The following IMMP2L variants were observed in gnomAD, a reference collection of about 807,000 sequenced individuals.
IMMP2L encodes mitochondrial inner membrane protease subunit 2.
Under a neutral mutation model 19.3 loss-of-function variants are expected in IMMP2L, and 18 were observed. The observed-to-expected ratio is 0.93, with a 90% confidence interval of 0.64 to 1.38. IMMP2L has a LOEUF of 1.38. Ranked by LOEUF, IMMP2L falls within the 40% of genes most tolerant of loss-of-function variation. The pLI is 0.00. For missense variants in IMMP2L, 233 were observed against 218.2 expected, an observed-to-expected ratio of 1.07 and a Z score of -0.43; for synonymous variants, 76 against 73.0, an observed-to-expected ratio of 1.04 and a Z score of -0.21.
At chr7:111,478,216 T>C (rs889387123) in intron 3 of IMMP2L, among the ~76,000 whole-genome samples, 3 of 152,290 alleles carry the variant, frequency 2.0e-5, no homozygotes, top group African/African-American at 4.8e-5. Context: ...AATTGACCCA[T>C]CATCCAGTTC....
At chr7:111,482,803 T>C (rs151000967) in intron 3 of IMMP2L, among the ~76,000 whole-genome samples, 1 of 152,242 alleles carries the variant, frequency 6.6e-6, no homozygotes, top group East Asian at 1.9e-4. Flanking sequence ...CCATTAACGT[T>C]AGTGCTTCTC....
chr7:111,240,931 C>T (rs1397244769), intron 3 of IMMP2L, among the ~76,000 whole-genome samples: 16 of 151,814 alleles, frequency 1.1e-4, no homozygotes. Context: ...GTGCTATAAA[C>T]ACCAAATGCT....
At chr7:110,664,074 G>A (rs563005111) in intron 5 of IMMP2L, among the ~76,000 whole-genome samples, 1 of 152,158 alleles carries the variant, frequency 6.6e-6, no homozygotes, top group East Asian at 1.9e-4. Flanking sequence ...TCTGTGTTTA[G>A]AACCAAGCAG....
chr7:111,262,187 C>T (rs1165827975), intron 3 of IMMP2L, among the ~76,000 whole-genome samples: 1 of 151,976 alleles, frequency 6.6e-6, no homozygotes, highest in Non-Finnish European at 1.5e-5. Context: ...ATTCTAATGG[C>T]ACAAACAATC....
At chr7:110,679,840 C>A (rs147595311) in intron 5 of IMMP2L, among the ~76,000 whole-genome samples, 35 of 152,234 alleles carry the variant, frequency 2.3e-4, no homozygotes, top group African/African-American at 8.4e-4. Flanking sequence ...CTACAAAGAC[C>A]AAGATAGTTG....
intron 3 of IMMP2L, among the ~76,000 whole-genome samples, chr7:111,251,553 C>A (rs375615926): frequency 6.6e-6 from 1 of 152,134 alleles, no homozygotes; most frequent in Non-Finnish European, 1.5e-5. Context: ...ACATGGAATA[C>A]TATGCAGCCA....
rs1242340740 is a variant in IMMP2L at position 111,333,045 on chromosome 7, G to C, written c.239+154193C>G. Among the ~76,000 whole-genome samples, 3 of 151,970 alleles carry C rather than the reference G, an allele frequency of 2.0e-5. No individual in the cohort carries two copies. The East Asian group carries it at 5.8e-4, about 29-fold the overall frequency. Reference sequence around the variant, plus strand: ...AAACTACAACAGCCCAATCCAGTCAGGGCTACAAATAGCCCAGACCCTCCA... The same window carrying C: ...AAACTACAACAGCCCAATCCAGTCACGGCTACAAATAGCCCAGACCCTCCA... On this transcript the variant is annotated intron_variant, in intron 3 of 5. Transcript: ENST00000405709.
intron 3 of IMMP2L, among the ~76,000 whole-genome samples, chr7:111,203,037 A>G (rs1182900686): frequency 6.6e-6 from 1 of 152,204 alleles, no homozygotes; most frequent in Non-Finnish European, 1.5e-5. Flanking sequence ...CCATCCAAAA[A>G]TGAGAAGTGA....
intron 5 of IMMP2L, among the ~76,000 whole-genome samples, chr7:110,788,266 C>A (rs1225921853): frequency 1.3e-5 from 2 of 152,040 alleles, no homozygotes; most frequent in Non-Finnish European, 2.9e-5. Context: ...TGGGTTTGAG[C>A]TTCACAACAA....
At chr7:111,561,721 T>C (rs940585000) in intron 1 of IMMP2L, 130 bp downstream of exon 1, 2 of 152,616 alleles carry the variant, frequency 1.3e-5, no homozygotes, top group Non-Finnish European at 2.9e-5. Flanking sequence ...GGTCCTCCAG[T>C]TCCCGATGAA....
At chr7:110,934,009 A>G (rs1002229066) in intron 4 of IMMP2L, among the ~76,000 whole-genome samples, 1 of 152,160 alleles carries the variant, frequency 6.6e-6, no homozygotes, top group East Asian at 1.9e-4. Flanking sequence ...ACACCGCATT[A>G]GCTGTGTCCA....
At chr7:111,514,235 T>A (rs961698912) in intron 2 of IMMP2L, among the ~76,000 whole-genome samples, 1 of 152,070 alleles carries the variant, frequency 6.6e-6, no homozygotes, top group African/African-American at 2.4e-5. Context: ...GTATGTTAAT[T>A]AGTTTGTGGT....
intron 4 of IMMP2L, among the ~76,000 whole-genome samples, chr7:110,907,160 C>T (rs937202206): frequency 6.6e-6 from 1 of 152,138 alleles, no homozygotes; most frequent in Non-Finnish European, 1.5e-5. Flanking sequence ...TAAGTGTTAA[C>T]AGCTCAGTGG....
chr7:111,087,375 G>T (rs143619662), intron 3 of IMMP2L, among the ~76,000 whole-genome samples: 144 of 150,954 alleles, frequency 9.5e-4, no homozygotes, highest in African/African-American at 3.3e-3. Flanking sequence ...CTTGAACCCG[G>T]AAGGTGTTGG....
At chr7:110,923,220 A>G (rs1006935891) in intron 4 of IMMP2L, among the ~76,000 whole-genome samples, 1 of 152,212 alleles carries the variant, frequency 6.6e-6, no homozygotes, top group Non-Finnish European at 1.5e-5. Flanking sequence ...AACTATTATT[A>G]TTAATGTCCT....
At chr7:111,224,527 T>A (rs1243321225) in intron 3 of IMMP2L, among the ~76,000 whole-genome samples, 1 of 152,030 alleles carries the variant, frequency 6.6e-6, no homozygotes, top group Non-Finnish European at 1.5e-5. Flanking sequence ...AACTAAATGA[T>A]GATTGCAATT....
intron 3 of IMMP2L, among the ~76,000 whole-genome samples, chr7:111,086,275 A>G (rs1257161410): frequency 2.6e-5 from 4 of 151,534 alleles, no homozygotes; most frequent in African/African-American, 9.7e-5. Context: ...AGAAAAAAAA[A>G]AAAGAAAAAG....
chr7:110,835,362 G>A (rs1430839183), intron 5 of IMMP2L, among the ~76,000 whole-genome samples: 1 of 152,056 alleles, frequency 6.6e-6, no homozygotes, highest in African/African-American at 2.4e-5. Context: ...TACCTAATAT[G>A]CGGTATGGCA....
chr7:111,426,170 G>C (rs1304665329), intron 3 of IMMP2L, among the ~76,000 whole-genome samples: 3 of 150,176 alleles, frequency 2.0e-5, no homozygotes. Flanking sequence ...AGCTAAAAAA[G>C]GTAAATTATA....
Sources: gnomAD v4.1 joint callset for allele counts (sites outside exome capture counted in the v4.1 genomes callset) on GRCh38, gnomAD v4.1.1 for gene constraint, MANE v1.5 for transcripts, NCBI Gene and HGNC (gene_info 2026-07-23, HGNC 2026-07-21) for gene names.